The following IQGAP1 variants were observed in gnomAD, a reference collection of about 807,000 sequenced individuals.
IQGAP1 encodes the protein IQ motif containing GTPase activating protein 1.
Under a neutral mutation model 215.6 loss-of-function variants are expected in IQGAP1, and 66 were observed. The ratio of observed to expected loss-of-function variants is 0.31; its 90% CI spans 0.25 to 0.38. The LOEUF (loss-of-function observed/expected upper bound fraction) is 0.38, where lower values mean the gene tolerates loss of function less well. IQGAP1 is among the 10% of genes least tolerant of loss of function. The pLI, the probability that IQGAP1 is intolerant of heterozygous loss-of-function variation, is 1.00. For missense variants in IQGAP1, 1,712 were observed against 1,997.1 expected, an observed-to-expected ratio of 0.86 and a Z score of 2.72; for synonymous variants, 772 against 728.7, an observed-to-expected ratio of 1.06 and a Z score of -0.96.
chr15:90,405,368 C>T (rs548429287), intron 2 of IQGAP1, among the ~76,000 whole-genome samples: 17 of 152,248 alleles, frequency 1.1e-4, no homozygotes, highest in Non-Finnish European at 1.9e-4. Context: ...AGATTAATAT[C>T]GTGTAGTAAA....
intron 2 of IQGAP1, among the ~76,000 whole-genome samples, chr15:90,404,667 T>C (rs8034045): frequency 0.17 from 25,210 of 152,086 alleles, 2,223 homozygotes; most frequent in South Asian, 0.23. Flanking sequence ...GGCCCGATCT[T>C]GGCCAGGTTC....
chr15:90,433,013 T>C (rs1362330630), intron 4 of IQGAP1, among the ~76,000 whole-genome samples: 2 of 152,198 alleles, frequency 1.3e-5, no homozygotes, highest in African/African-American at 4.8e-5. Flanking sequence ...ATCAAAGATA[T>C]GGCAGTTAAT....
At chr15:90,419,021 C>T (rs1170071420) in intron 2 of IQGAP1, among the ~76,000 whole-genome samples, 1 of 151,812 alleles carries the variant, frequency 6.6e-6, no homozygotes, top group East Asian at 1.9e-4. Context: ...GTGGCACATG[C>T]TTGTGACCCC....
Position 90,453,181 on chromosome 15 carries a change from C to T in IQGAP1, c.1376C>T (p.Ser459Leu), listed in dbSNP as rs546591604. Residue 459 changes from serine (S) to leucine (L), a missense_variant, in exon 13 of 38, where the codon TCG (serine) becomes TTG (leucine). Physicochemically the swap from Ser to Leu is moderately radical, Grantham distance 145 (BLOSUM62 -2). Transcript: ENST00000268182. ...TCTGTCGCAGTGGAGATGTTGTCAT[C>T]GGTGGCCCTGATCAACAGGGCATTG... is the stretch of plus-strand genomic sequence containing the variant. ...ELSVAVEMLS[S>L]VALINRALES... The T allele has an allele frequency of 1.1e-5, 18 of 1,613,908 alleles. No individual in the cohort carries two copies. Among genetic ancestry groups the T allele is most frequent in the Non-Finnish European group, 1.3e-5 (15 of 1,179,902 alleles).
chr15:90,493,239 G>GGAA (rs369905653), intron 35 of IQGAP1, among the ~76,000 whole-genome samples: 3 of 144,864 alleles, frequency 2.1e-5, no homozygotes, highest in Admixed American at 6.9e-5. Flanking sequence ...CAAGACTCTG[G>GGAA]AAAAAAAAAA....
rs1296125817 is a variant in IQGAP1 at position 90,492,602 on chromosome 15, C to T, written c.4519C>T (p.Gln1507Ter). ...QRRKAELVKL[Q>*]QTYAALNSKA... ...GAGAAAGGCCGAACTAGTGAAACTG[C>T]AACAGACATACGCTGCTCTGAACTC... The change falls in exon 35 of 38, where the codon CAA becomes TAA. Residue 1507 changes from glutamine (Q) to a stop codon, truncating the protein, a stop_gained. Transcript: ENST00000268182. LOFTEE classifies it high-confidence loss of function. The T allele has an allele frequency of 6.2e-7, 1 of 1,613,734 alleles. No homozygotes were observed. The highest frequency in any genetic ancestry group is 8.5e-7 in the Non-Finnish European group (1 of 1,179,892).
chr15:90,419,670 G>C (rs1415559783), intron 2 of IQGAP1, among the ~76,000 whole-genome samples: 3 of 152,144 alleles, frequency 2.0e-5, no homozygotes, highest in African/African-American at 7.2e-5. Context: ...GTATGTTGTG[G>C]AGATTAGTGC....
chr15:90,426,242 T>A lies in IQGAP1; in HGVS notation c.288T>A (p.Tyr96Ter). Reference sequence around the variant, plus strand: ...AAGTAGTGTCCCTGAAAAAAATCTATGATCGAGAACAGACCAGATACAAGG... The same window carrying A: ...AAGTAGTGTCCCTGAAAAAAATCTAAGATCGAGAACAGACCAGATACAAGG... ...SPKVVSLKKI[Y>*]DREQTRYKAT... The change falls in exon 3 of 38, where the codon TAT (tyrosine) becomes TAA (stop). Residue 96 changes from tyrosine to a stop codon, truncating the protein, a stop_gained. Coordinates refer to ENST00000268182, the MANE Select transcript of IQGAP1 (RefSeq NM_003870.4). LOFTEE classifies it high-confidence loss of function. 6.2e-7 allele frequency: 1 copy of A among 1,603,550 alleles called. No individual in the cohort carries two copies. The highest frequency in any genetic ancestry group is 8.5e-7 in the Non-Finnish European group (1 of 1,177,148).
At chr15:90,455,713 T>C (rs1369984934) in intron 14 of IQGAP1, among the ~76,000 whole-genome samples, 1 of 152,266 alleles carries the variant, frequency 6.6e-6, no homozygotes, top group East Asian at 1.9e-4. Flanking sequence ...TGTGTAATCT[T>C]GGAGAAGAGA....
chr15:90,402,074 A>G (rs1164528830), intron 2 of IQGAP1, among the ~76,000 whole-genome samples: 1 of 152,184 alleles, frequency 6.6e-6, no homozygotes. Context: ...GACATTAAGT[A>G]ACTTGTGTAG....
rs1236772538 is a variant in IQGAP1 at position 90,474,132 on chromosome 15, C to A, written c.2574C>A (p.Leu858=). 3 of 1,609,136 alleles carry A rather than the reference C, an allele frequency of 1.9e-6. No individual in the cohort carries two copies. Among genetic ancestry groups the A allele is most frequent in the Admixed American group, 3.4e-5 (2 of 59,146 alleles). The change falls in exon 22 of 38, where the codon CTC becomes CTA. Residue 858 remains leucine (L), a splice_region_variant and synonymous_variant. Coordinates refer to ENST00000268182, the MANE Select transcript of IQGAP1 (RefSeq NM_003870.4). ...ANKARDDYKT[L]INAEDPPMVV... ...AAGCTCGGGATGACTACAAGACTCT[C>A]AGTGAGTAACTGGCTCCGCATGAAG...
intron 26 of IQGAP1, among the ~76,000 whole-genome samples, chr15:90,479,727 C>CA (rs1290456324): frequency 6.6e-6 from 1 of 151,924 alleles, no homozygotes; most frequent in East Asian, 1.9e-4. Flanking sequence ...TCCTGGTTGA[C>CA]AAAAAAAGAA....
chr15:90,388,644 G>C (rs886621289), intron 1 of IQGAP1, among the ~76,000 whole-genome samples: 1 of 152,084 alleles, frequency 6.6e-6, no homozygotes, highest in African/African-American at 2.4e-5. Context: ...GGTAGGGGGA[G>C]CCCCACCCAG....
At chr15:90,463,320 A>G (rs1965788065) in intron 15 of IQGAP1, among the ~76,000 whole-genome samples, 1 of 152,214 alleles carries the variant, frequency 6.6e-6, no homozygotes, top group African/African-American at 2.4e-5. Flanking sequence ...AAGTCTCACA[A>G]CTTTGCTTAC....
chr15:90,466,350 A>G lies in IQGAP1; in HGVS notation c.1949A>G (p.Asp650Gly), dbSNP rs200809897. 1 of 1,614,030 alleles carries G rather than the reference A, an allele frequency of 6.2e-7. No homozygotes were observed. The highest frequency in any genetic ancestry group is 8.5e-7 in the Non-Finnish European group (1 of 1,180,018). Residue 650 changes from aspartate (D) to glycine (G), a missense_variant, in exon 17 of 38, where the codon GAT (aspartate) becomes GGT (glycine). Asp to Gly is a moderately conservative substitution (Grantham distance 94). Around this residue, in one of 2 missense-constraint regions of IQGAP1, gnomAD observed 1,021 missense variants for 1,074.2 expected, o/e 0.95. Coordinates refer to ENST00000268182, the MANE Select transcript of IQGAP1 (RefSeq NM_003870.4). ...ACACTGAGTGCCCTTCGCTCCCCTGATGTTGGCTTGTATGGAGTCATCCCT... is the reference window on the plus strand; with the variant it reads ...ACACTGAGTGCCCTTCGCTCCCCTGGTGTTGGCTTGTATGGAGTCATCCCT... ...GKTLSALRSPDVGLYGVIPEC... is the reference protein window; with the variant it reads ...GKTLSALRSPGVGLYGVIPEC...
At chr15:90,416,168 G>A (rs904297077) in intron 2 of IQGAP1, among the ~76,000 whole-genome samples, 1 of 140,144 alleles carries the variant, frequency 7.1e-6, no homozygotes, top group African/African-American at 2.6e-5. Context: ...TATCCCTCCC[G>A]CCTCCCCCTA....
At chr15:90,392,055 T>G (rs917940323) in intron 2 of IQGAP1, 11 of 152,202 alleles carry the variant, frequency 7.2e-5, no homozygotes, top group African/African-American at 2.4e-4. Context: ...ATTTGAGATA[T>G]TTCCCTTTCC....
chr15:90,413,899 C>G (rs193163640), intron 2 of IQGAP1, among the ~76,000 whole-genome samples: 3 of 152,308 alleles, frequency 2.0e-5, no homozygotes, highest in Admixed American at 2.0e-4. Flanking sequence ...GTCCTTCCCT[C>G]TTATCTCAGG....
At chr15:90,400,219 T>C (rs1299669079) in intron 2 of IQGAP1, among the ~76,000 whole-genome samples, 1 of 152,208 alleles carries the variant, frequency 6.6e-6, no homozygotes, top group East Asian at 1.9e-4. Flanking sequence ...ATTAGTTAGA[T>C]CTGTGTAGTC....
Sources: allele counts gnomAD v4.1 joint callset (sites outside exome capture counted in the v4.1 genomes callset), GRCh38; gene constraint gnomAD v4.1.1; regional missense constraint gnomAD v4.1.1; transcripts MANE v1.5; gene names NCBI Gene and HGNC (gene_info 2026-07-23, HGNC 2026-07-21).